MITF: variants seen among roughly 807,000 people sequenced by gnomAD.
The protein encoded by MITF is melanocyte inducing transcription factor.
In MITF, 17 loss-of-function variants were observed where a neutral mutation model predicts 60.5. That is an observed-to-expected ratio of 0.28 (90% CI 0.19 to 0.42). The LOEUF (loss-of-function observed/expected upper bound fraction) is 0.42. Among genes scored for constraint, MITF ranks in the 10% least tolerant of loss-of-function variants. The pLI, the probability that MITF is intolerant of heterozygous loss-of-function variation, is 1.00. For synonymous variants in MITF, 260 were observed against 248.5 expected (o/e 1.05, Z -0.43); for missense variants, 622 against 683.5 (o/e 0.91, Z 1.00).
At chr3:69,806,087 A>ATT (rs1158336527) in intron 1 of MITF, among the ~76,000 whole-genome samples, 81 of 142,396 alleles carry the variant, frequency 5.7e-4, no homozygotes, top group African/African-American at 1.5e-3. Flanking sequence ...AGCAGAGCCA[A>ATT]TTTTTTTTTT....
intron 1 of MITF, among the ~76,000 whole-genome samples, chr3:69,858,565 G>T (rs1239289908): frequency 6.6e-6 from 1 of 152,102 alleles, no homozygotes; most frequent in Non-Finnish European, 1.5e-5. Flanking sequence ...CAAAAATTAT[G>T]ATTGACACAC....
intron 1 of MITF, among the ~76,000 whole-genome samples, chr3:69,753,609 G>A (rs1192595299): frequency 6.6e-6 from 1 of 152,196 alleles, no homozygotes; most frequent in African/African-American, 2.4e-5. Flanking sequence ...AAAGCCACAG[G>A]GGTGGAACTG....
intron 2 of MITF, among the ~76,000 whole-genome samples, chr3:69,936,314 A>C (rs1274533226): frequency 6.6e-6 from 1 of 152,210 alleles, no homozygotes; most frequent in African/African-American, 2.4e-5. Flanking sequence ...CTGAAAGAGA[A>C]ATACCATTGT....
intron 1 of MITF, among the ~76,000 whole-genome samples, chr3:69,863,367 C>G (rs1438200657): frequency 1.3e-5 from 2 of 152,156 alleles, no homozygotes; most frequent in Non-Finnish European, 2.9e-5. Flanking sequence ...CAAGAAGGTT[C>G]CCTTAGAACT....
intron 1 of MITF, among the ~76,000 whole-genome samples, chr3:69,777,589 A>C (rs1013346110): frequency 1.3e-5 from 2 of 152,196 alleles, no homozygotes; most frequent in Non-Finnish European, 2.9e-5. Flanking sequence ...CTGAGAAGTC[A>C]GGTGTGCAGA....
chr3:69,890,362 G>A (rs1168581693), intron 2 of MITF, among the ~76,000 whole-genome samples: 2 of 151,982 alleles, frequency 1.3e-5, no homozygotes, highest in Admixed American at 6.6e-5. Context: ...CTCAATCCAG[G>A]TTCTTTTCAA....
At chr3:69,948,631 A>G (rs1342958645) in intron 5 of MITF, among the ~76,000 whole-genome samples, 1 of 152,140 alleles carries the variant, frequency 6.6e-6, no homozygotes, top group Non-Finnish European at 1.5e-5. Context: ...AACAAAATTA[A>G]CTTTAATGGA....
chr3:69,938,308 C>T, intron 3 of MITF: 6 of 1,532,482 alleles, frequency 3.9e-6, no homozygotes, highest in Non-Finnish European at 5.3e-6. Context: ...CCACTTGCTT[C>T]TTCTTCCTTA....
chr3:69,814,304 A>G (rs369151933), intron 1 of MITF, among the ~76,000 whole-genome samples: 1 of 152,050 alleles, frequency 6.6e-6, no homozygotes, highest in Admixed American at 6.6e-5. Context: ...TGACTCATTC[A>G]TTCATTCATT....
intron 1 of MITF, among the ~76,000 whole-genome samples, chr3:69,746,228 G>A (rs1703722974): frequency 6.6e-6 from 1 of 152,146 alleles, no homozygotes. Context: ...AATTCCCTTT[G>A]AGTTCTGCAG....
intron 1 of MITF, among the ~76,000 whole-genome samples, chr3:69,868,114 A>AG: frequency 6.6e-6 from 1 of 152,384 alleles, no homozygotes; most frequent in South Asian, 2.1e-4. Flanking sequence ...GATGTTCAGC[A>AG]GATACCATTT....
intron 2 of MITF, among the ~76,000 whole-genome samples, chr3:69,908,083 G>GCCT (rs199976700): frequency 0.015 from 2,328 of 152,126 alleles, 29 homozygotes; most frequent in Middle Eastern, 0.051. Context: ...AACCTTATGG[G>GCCT]GCTTTTGCCT....
At chr3:69,827,732 C>CT (rs980444802) in intron 1 of MITF, among the ~76,000 whole-genome samples, 200 of 147,518 alleles carry the variant, frequency 1.4e-3, no homozygotes, top group African/African-American at 4.0e-3. Flanking sequence ...TTTATTTTCC[C>CT]TTTTTTTTTT....
intron 1 of MITF, among the ~76,000 whole-genome samples, chr3:69,826,978 G>A (rs1392997429): frequency 2.0e-5 from 3 of 151,988 alleles, no homozygotes; most frequent in African/African-American, 7.2e-5. Flanking sequence ...TGTATTCTAG[G>A]TACTGGGGAC....
intron 2 of MITF, among the ~76,000 whole-genome samples, chr3:69,909,576 T>C (rs992113168): frequency 3.3e-5 from 5 of 152,086 alleles, no homozygotes; most frequent in African/African-American, 9.7e-5. Flanking sequence ...AAAATTCTGA[T>C]AGTGATATGA....
chr3:69,946,146 T>C (rs1437528530), intron 5 of MITF, among the ~76,000 whole-genome samples: 1 of 152,170 alleles, frequency 6.6e-6, no homozygotes, highest in Non-Finnish European at 1.5e-5. Context: ...CTACTTTATC[T>C]CTATTAAATC....
intron 7 of MITF, among the ~76,000 whole-genome samples, chr3:69,956,060 C>T (rs1209021333): frequency 6.6e-6 from 1 of 152,184 alleles, no homozygotes; most frequent in African/African-American, 2.4e-5. Context: ...GTACTAACTT[C>T]CTGGCTCTTT....
intron 1 of MITF, among the ~76,000 whole-genome samples, chr3:69,819,254 G>T (rs1447238274): frequency 6.6e-6 from 1 of 152,136 alleles, no homozygotes; most frequent in African/African-American, 2.4e-5. Context: ...AAAAGATTCA[G>T]CTTTGCTTTT....
At chr3:69,957,608 A>G (rs548653967) in intron 8 of MITF, among the ~76,000 whole-genome samples, 4 of 152,186 alleles carry the variant, frequency 2.6e-5, no homozygotes, top group East Asian at 1.9e-4. Context: ...TTCATTTCCT[A>G]TAGTCAGTCT....
Sources: gnomAD v4.1 joint callset for allele counts (sites outside exome capture counted in the v4.1 genomes callset) on GRCh38, gnomAD v4.1.1 for gene constraint, MANE v1.5 for transcripts, NCBI Gene and HGNC (gene_info 2026-07-23, HGNC 2026-07-21) for gene names.